Variants in MARCHF3 observed in about 807,000 individuals in gnomAD.
MARCHF3 encodes membrane associated ring-CH-type finger 3, also known as E3 ubiquitin-protein ligase MARCHF3.
In MARCHF3, 13 loss-of-function variants were observed where a neutral mutation model predicts 24.2. That is an observed-to-expected ratio of 0.54 (90% CI 0.35 to 0.85). The LOEUF is 0.85. Among genes scored for constraint, MARCHF3 ranks in the 40% least tolerant of loss-of-function variants. MARCHF3 has a pLI of 0.01. For synonymous variants in MARCHF3, 144 were observed against 137.3 expected (o/e 1.05, Z -0.34); for missense variants, 276 against 325.0 (o/e 0.85, Z 1.16).
intron 1 of MARCHF3, among the ~76,000 whole-genome samples, chr5:126,989,324 ACTACTACTAC>A (rs1751670026): frequency 6.7e-6 from 1 of 148,946 alleles, no homozygotes; most frequent in African/African-American, 2.5e-5. Flanking sequence ...TACTACTACT[ACTACTACTAC>A]TACTAATAAT....
chr5:126,894,142 G>A (rs1201253008), intron 3 of MARCHF3, among the ~76,000 whole-genome samples: 1 of 133,676 alleles, frequency 7.5e-6, no homozygotes, highest in Non-Finnish European at 1.5e-5. Context: ...CCATTTGCTT[G>A]GTAGATCTTC....
At chr5:126,874,490 G>A (rs1028749829) in intron 4 of MARCHF3, among the ~76,000 whole-genome samples, 1 of 151,876 alleles carries the variant, frequency 6.6e-6, no homozygotes, top group Non-Finnish European at 1.5e-5. Context: ...GGAGGCTGAA[G>A]CAGGAGAATC....
At chr5:127,003,853 T>G (rs1457215575) in intron 1 of MARCHF3, among the ~76,000 whole-genome samples, 1 of 152,216 alleles carries the variant, frequency 6.6e-6, no homozygotes, top group Non-Finnish European at 1.5e-5. Context: ...TGGACACATT[T>G]GCACACACAT....
intron 1 of MARCHF3, among the ~76,000 whole-genome samples, chr5:126,996,163 A>C (rs1751941690): frequency 6.6e-6 from 1 of 152,220 alleles, no homozygotes; most frequent in African/African-American, 2.4e-5. Flanking sequence ...CCTTTTCTCC[A>C]TGAGTCCCAC....
chr5:126,889,671 A>G (rs973964038), intron 3 of MARCHF3, among the ~76,000 whole-genome samples: 5 of 152,282 alleles, frequency 3.3e-5, no homozygotes, highest in Admixed American at 2.6e-4. Flanking sequence ...CCTATAGTCC[A>G]ATGTTTTGCT....
chr5:126,888,685 G>A (rs1753575292), intron 3 of MARCHF3, among the ~76,000 whole-genome samples: 1 of 152,224 alleles, frequency 6.6e-6, no homozygotes, highest in South Asian at 2.1e-4. Context: ...CAAGGAAACA[G>A]AAGTTTTTAG....
In MARCHF3 at chr5:126,870,060, T is replaced by G. The variant is rs1235592544; in HGVS notation, c.*573A>C. The stretch of plus-strand genomic sequence containing the variant: ...AAATGAAGTTTAGTACAAAACATTC[T>G]TCAAATATGACTTGTTCTGCATCTG... On this transcript the variant is annotated 3_prime_UTR_variant, in exon 5 of 5. Transcript: ENST00000308660. 6.6e-6 allele frequency: 1 copy of G among 152,604 alleles called. No individual in the cohort carries two copies. Among genetic ancestry groups the G allele is most frequent in the Non-Finnish European group, 1.5e-5 (1 of 68,042 alleles). 9.5% of individuals were successfully genotyped at this position (152,604 alleles called of 1,614,324 possible).
intron 1 of MARCHF3, among the ~76,000 whole-genome samples, chr5:127,007,461 A>G (rs867976114): frequency 6.6e-6 from 1 of 152,006 alleles, no homozygotes; most frequent in Non-Finnish European, 1.5e-5. Context: ...GTTATTCTTC[A>G]TGTTTTTCTA....
At chr5:126,936,240 T>C (rs1245989603) in intron 1 of MARCHF3, among the ~76,000 whole-genome samples, 2 of 152,192 alleles carry the variant, frequency 1.3e-5, no homozygotes, top group African/African-American at 4.8e-5. Flanking sequence ...TGTTTGAGCC[T>C]TTTTAAAAAA....
At chr5:126,877,178 G>A (rs1339966294) in intron 4 of MARCHF3, among the ~76,000 whole-genome samples, 1 of 152,218 alleles carries the variant, frequency 6.6e-6, no homozygotes, top group Non-Finnish European at 1.5e-5. Context: ...GAACAGGGTT[G>A]TGGGAGTGGC....
intron 1 of MARCHF3, among the ~76,000 whole-genome samples, chr5:126,941,656 A>T (rs991457865): frequency 6.6e-6 from 1 of 152,186 alleles, no homozygotes; most frequent in African/African-American, 2.4e-5. Flanking sequence ...AAGCAGTTAC[A>T]TTTGGGTCTG....
chr5:126,943,596 A>C (rs868709890), intron 1 of MARCHF3, among the ~76,000 whole-genome samples: 4 of 151,158 alleles, frequency 2.6e-5, no homozygotes, highest in African/African-American at 9.7e-5. Flanking sequence ...AAAAAAAAAA[A>C]CCCCTCAAAA....
intron 1 of MARCHF3, among the ~76,000 whole-genome samples, chr5:126,957,152 G>A (rs1750476163): frequency 3.9e-5 from 6 of 152,002 alleles, no homozygotes; most frequent in African/African-American, 7.3e-5. Context: ...ACTTTATCAC[G>A]TTTCTTGGCC....
In MARCHF3 at chr5:126,915,044, C is replaced by G. The variant is rs747393898; in HGVS notation, c.279G>C (p.Leu93Phe). ...CCAGGCAGCTCCGATGAATTGTCCC[C>G]AAGGTCCCTGTACATTCACATGGAG... is the stretch of plus-strand genomic sequence containing the variant. ...LLSPCECTGT[L>F]GTIHRSCLEH... Residue 93 changes from leucine (L) to phenylalanine (F), a missense_variant, in exon 3 of 5, where the codon TTG (leucine) becomes TTC (phenylalanine). By Grantham distance (22) the Leu-to-Phe change is conservative. Transcript: ENST00000308660. The G allele has an allele frequency of 1.9e-6, 3 of 1,614,180 alleles. No homozygotes were observed. Among genetic ancestry groups the G allele is most frequent in the Non-Finnish European group, 2.5e-6 (3 of 1,180,026 alleles).
chr5:126,924,757 C>T (rs1257036437), intron 1 of MARCHF3, among the ~76,000 whole-genome samples: 1 of 152,236 alleles, frequency 6.6e-6, no homozygotes, highest in African/African-American at 2.4e-5. Flanking sequence ...ATTGCTGTGA[C>T]ATGATTACCA....
At chr5:126,920,167 T>G (rs1340047583) in intron 1 of MARCHF3, among the ~76,000 whole-genome samples, 1 of 152,182 alleles carries the variant, frequency 6.6e-6, no homozygotes, top group Non-Finnish European at 1.5e-5. Context: ...TTTGGGTAGA[T>G]ATCTTCTTTT....
At chr5:126,984,616 C>G (rs1455578078) in intron 1 of MARCHF3, among the ~76,000 whole-genome samples, 2 of 152,134 alleles carry the variant, frequency 1.3e-5, no homozygotes, top group Non-Finnish European at 2.9e-5. Context: ...TTCTAGGATA[C>G]AAGAAAAACT....
intron 1 of MARCHF3, among the ~76,000 whole-genome samples, chr5:126,920,936 G>A (rs1749087430): frequency 6.6e-6 from 1 of 151,846 alleles, no homozygotes; most frequent in African/African-American, 2.4e-5. Flanking sequence ...TCCATTCGTA[G>A]TGGGTGCTGG....
At chr5:126,890,996 G>A (rs570844607) in intron 3 of MARCHF3, among the ~76,000 whole-genome samples, 2 of 150,682 alleles carry the variant, frequency 1.3e-5, no homozygotes, top group East Asian at 3.9e-4. Flanking sequence ...GGTGTGAGAT[G>A]GTATCTCATT....
Sources: allele counts gnomAD v4.1 joint callset (sites outside exome capture counted in the v4.1 genomes callset), GRCh38; gene constraint gnomAD v4.1.1; transcripts MANE v1.5; gene names NCBI Gene and HGNC (gene_info 2026-07-23, HGNC 2026-07-21).